SLC26A11: variants seen among roughly 807,000 people sequenced by gnomAD.
SLC26A11 encodes the protein sodium-independent sulfate anion transporter.
Under a neutral mutation model 62.2 loss-of-function variants are expected in SLC26A11, and 58 were observed. The observed-to-expected ratio is 0.93, with a 90% CI of 0.76 to 1.16. The LOEUF (loss-of-function observed/expected upper bound fraction) is 1.16. Ranked by LOEUF, SLC26A11 falls within the 50% of genes most tolerant of loss-of-function variation. The pLI is 0.00. For missense variants in SLC26A11, 790 were observed against 794.3 expected, an observed-to-expected ratio of 0.99 and a Z score of 0.06; for synonymous variants, 411 against 368.9, an observed-to-expected ratio of 1.11 and a Z score of -1.31.
Position 80,236,923 on chromosome 17 carries a change from C to G in SLC26A11, c.737-5C>G. 6.2e-7 allele frequency: 1 copy of G among 1,608,200 alleles called. No homozygotes were observed. The highest frequency in any genetic ancestry group is 1.3e-5 in the African/African-American group (1 of 74,952). ...GTCTCGGACGCACCTCTCCTTCTCTCCTAGCTCGCAACGCCCTGGTGGTCT... is the reference window on the plus strand; with the variant it reads ...GTCTCGGACGCACCTCTCCTTCTCTGCTAGCTCGCAACGCCCTGGTGGTCT... On this transcript the variant is annotated splice_polypyrimidine_tract_variant and splice_region_variant and intron_variant, in intron 7 of 17. Coordinates refer to ENST00000361193, the MANE Select transcript of SLC26A11 (RefSeq NM_001166347.2).
chr17:80,227,707 G>A (rs1432585803), intron 6 of SLC26A11, 111 bp from the exon 7 acceptor site: 2 of 1,467,894 alleles, frequency 1.4e-6, no homozygotes, highest in African/African-American at 2.8e-5. Flanking sequence ...TGGGCATTGG[G>A]CCTCCCTGGG....
At chr17:80,230,640 C>T (rs2042538851) in intron 7 of SLC26A11, among the ~76,000 whole-genome samples, 1 of 152,090 alleles carries the variant, frequency 6.6e-6, no homozygotes, top group African/African-American at 2.4e-5. Context: ...ACACTTGGGG[C>T]TGCTTTTTTC....
chr17:80,252,495 G>A lies in SLC26A11; in HGVS notation c.1730-130G>A. The A allele has an allele frequency of 2.9e-6, 2 of 697,958 alleles. No homozygotes were observed. The highest frequency in any genetic ancestry group is 4.7e-6 in the Non-Finnish European group (2 of 424,834). 43.2% of individuals were successfully genotyped at this position (697,958 alleles called of 1,614,324 possible). On this transcript the variant is annotated intron_variant, in intron 17 of 17. Transcript: ENST00000361193. This position sits in a 1 kb window ranked among gnomAD's most constrained non-coding sequence, Gnocchi z 5.2. Reference sequence around the variant, plus strand: ...CTCATGGAGTTAGTGACACTGGCCTGGGTGGCCCACAGCTCCTTCCTGCAC... The same window carrying A: ...CTCATGGAGTTAGTGACACTGGCCTAGGTGGCCCACAGCTCCTTCCTGCAC...
At position 80,246,105 on chromosome 17, in the gene SLC26A11, T is replaced by C; in HGVS notation, c.1098-49T>C. 6.2e-7 allele frequency: 1 copy of C among 1,607,446 alleles called. No homozygotes were observed. The highest frequency in any genetic ancestry group is 1.1e-5 in the South Asian group (1 of 90,948). ...AGCCACAGGAGTGTGGACTGAGGTC[T>C]CCCTTTTCCCGGCCCCTGGTGACTG... On this transcript the variant is annotated intron_variant, in intron 11 of 17. Transcript: ENST00000361193. The surrounding 1 kb of genome is among the most constrained non-coding windows in gnomAD (Gnocchi z 4.4).
In SLC26A11 at chr17:80,246,573, C is replaced by A. The variant is rs1355794205; in HGVS notation, c.1218C>A (p.Ala406=). The A allele has an allele frequency of 6.2e-7, 1 of 1,613,968 alleles. No homozygotes were observed. Among genetic ancestry groups the A allele is most frequent in the Non-Finnish European group, 8.5e-7 (1 of 1,180,032 alleles). Residue 406 remains alanine (A), a synonymous_variant, in exon 13 of 18, where the codon GCC becomes GCA. Transcript: ENST00000361193. The surrounding 1 kb of genome is among the most constrained non-coding windows in gnomAD (Gnocchi z 4.4). ...TGTTCTACTACATCCCCAAGTCTGC[C>A]CTGGCTGCCGTCATCATCATGGCCG... is the stretch of plus-strand genomic sequence containing the variant. ...TSLFYYIPKS[A]LAAVIIMAVA...
intron 9 of SLC26A11, 116 bp from the exon 10 acceptor site, chr17:80,241,655 G>A (rs1475521601): frequency 2.8e-6 from 3 of 1,083,506 alleles, no homozygotes; most frequent in Admixed American, 1.7e-5. Flanking sequence ...TGTATTCTTA[G>A]ATTTACAAAA....
chr17:80,251,464 A>G (rs1720257907), intron 17 of SLC26A11, 63 bp downstream of exon 17: 5 of 1,601,518 alleles, frequency 3.1e-6, no homozygotes, highest in Admixed American at 1.7e-5. Context: ...TGCTTATTGT[A>G]AAAAATATGG....
chr17:80,248,334 C>G, intron 14 of SLC26A11, 77 bp downstream of exon 14: 1 of 1,517,044 alleles, frequency 6.6e-7, no homozygotes, highest in Non-Finnish European at 8.8e-7. Flanking sequence ...TTTGAGGGTC[C>G]GGGGTGATTG....
Position 80,241,838 on chromosome 17 carries a change from G to T in SLC26A11, c.1036+17G>T. ...TGGCCATCGGTAAGACCCCAGCCGC[G>T]GGAAGGAAGACACCAGCTGTGGGCC... On this transcript the variant is annotated intron_variant, in intron 10 of 17. Coordinates refer to ENST00000361193, the MANE Select transcript of SLC26A11 (RefSeq NM_001166347.2). The T allele has an allele frequency of 1.2e-6, 2 of 1,614,102 alleles. No homozygotes were observed. Among genetic ancestry groups the T allele is most frequent in the Non-Finnish European group, 1.7e-6 (2 of 1,180,008 alleles).
Position 80,236,926 on chromosome 17 carries a change from A to G in SLC26A11, c.737-2A>G, listed in dbSNP as rs371517695. 6.2e-7 allele frequency: 1 copy of G among 1,608,328 alleles called. No individual in the cohort carries two copies. The highest frequency in any genetic ancestry group is 1.3e-5 in the African/African-American group (1 of 74,830). On this transcript the variant is annotated splice_acceptor_variant, in intron 7 of 17. Coordinates refer to ENST00000361193, the MANE Select transcript of SLC26A11 (RefSeq NM_001166347.2). LOFTEE classifies it high-confidence loss of function. ...TCGGACGCACCTCTCCTTCTCTCCT[A>G]GCTCGCAACGCCCTGGTGGTCTCCT...
rs142478962 is a variant in SLC26A11, at chr17:80,240,095, C to T, written c.986-1676C>T. On this transcript the variant is annotated intron_variant, in intron 9 of 17. Transcript: ENST00000361193. ...AAAGCTTGCCAACCTCAGCTGGGTGCGGTGGCACACGCCTGTAGTCCCAGC... is the reference window on the plus strand; with the variant it reads ...AAAGCTTGCCAACCTCAGCTGGGTGTGGTGGCACACGCCTGTAGTCCCAGC... Among the ~76,000 whole-genome samples, 723 of 152,290 alleles carry T rather than the reference C, an allele frequency of 4.7e-3. 4 individuals are homozygous for T. Among genetic ancestry groups the T allele is most frequent in the Non-Finnish European group, 7.2e-3 (493 of 68,028 alleles).
In SLC26A11 at chr17:80,248,257, G is replaced by T. The variant is rs1482962190; in HGVS notation, c.1422G>T (p.Lys474Asn). 5 of 1,607,558 alleles carry T rather than the reference G, an allele frequency of 3.1e-6. No homozygotes were observed. In the East Asian group the frequency reaches 6.7e-5, roughly 22 times the overall value. Residue 474 changes from lysine to asparagine, a missense_variant and splice_region_variant, in exon 14 of 18, where the codon AAG becomes AAT. Coordinates refer to ENST00000361193, the MANE Select transcript of SLC26A11 (RefSeq NM_001166347.2). Reference protein sequence around the residue: ...LLHSAARPETKVSEGPVLVLQ... With the variant: ...LLHSAARPETNVSEGPVLVLQ... ...ACTCTGCAGCCAGGCCTGAGACCAA[G>T]GTACCCCTCCGTGGCCTCTGAGTGG...
Position 80,253,010 on chromosome 17 carries a change from C to T in SLC26A11, c.*294C>T, listed in dbSNP as rs996617769. On this transcript the variant is annotated 3_prime_UTR_variant, in exon 18 of 18. Coordinates refer to ENST00000361193, the MANE Select transcript of SLC26A11 (RefSeq NM_001166347.2). The stretch of plus-strand genomic sequence containing the variant: ...TAGAATGACAGACTGTGCGAGGAAG[C>T]AGGGGCAGGGGTTTCCAGCCCGGGC... The T allele has an allele frequency of 1.4e-5, 3 of 221,542 alleles. No individual in the cohort carries two copies. Among genetic ancestry groups the T allele is most frequent in the Non-Finnish European group, 2.7e-5 (3 of 110,294 alleles). 13.7% of individuals were successfully genotyped at this position (221,542 alleles called of 1,614,324 possible).
intron 1 of SLC26A11, 32 bp downstream of exon 1, chr17:80,220,528 G>C: frequency 4.5e-6 from 2 of 445,196 alleles, no homozygotes; most frequent in Non-Finnish European, 7.8e-6. Flanking sequence ...GCGGCGAGCG[G>C]GGACCAGGGG....
chr17:80,246,706 T>C lies in SLC26A11; in HGVS notation c.1294+57T>C. 2.6e-6 allele frequency: 4 copies of C among 1,568,482 alleles called. No homozygotes were observed. In the South Asian group the frequency reaches 4.6e-5, roughly 18 times the overall value. On this transcript the variant is annotated intron_variant, in intron 13 of 17. Transcript: ENST00000361193. This position sits in a 1 kb window ranked among gnomAD's most constrained non-coding sequence, Gnocchi z 4.4. The stretch of plus-strand genomic sequence containing the variant: ...TGATGCGGTGTCTGAACGCGGAGGG[T>C]GTCATTTATGCTACCCCATTTTCCT...
chr17:80,223,540 C>T lies in SLC26A11; in HGVS notation c.513+203C>T, dbSNP rs371733210. ...AATGACCCTCCTGGGAGGGATGTCACGTGATGGTTGGATTTCACAGCGGGT... is the reference window on the plus strand; with the variant it reads ...AATGACCCTCCTGGGAGGGATGTCATGTGATGGTTGGATTTCACAGCGGGT... On this transcript the variant is annotated intron_variant, in intron 5 of 17. Coordinates refer to ENST00000361193, the MANE Select transcript of SLC26A11 (RefSeq NM_001166347.2). The surrounding 1 kb of genome is among the most constrained non-coding windows in gnomAD (Gnocchi z 4.6). 2.0e-5 allele frequency among the ~76,000 whole-genome samples: 3 copies of T among 152,178 alleles called. No individual in the cohort carries two copies. The highest frequency in any genetic ancestry group is 6.5e-5 in the Admixed American group (1 of 15,286).
chr17:80,233,811 T>TCAAGGGATCCTCCCA (rs55814139), intron 7 of SLC26A11, among the ~76,000 whole-genome samples: 72,459 of 129,712 alleles, frequency 0.56, 17,577 homozygotes, highest in East Asian at 0.71. Context: ...ACTCCTGGGC[T>TCAAGGGATCCTCCCA]CAAGGGATCC....
In SLC26A11 at chr17:80,223,346, G is replaced by T. The variant is rs762651109; in HGVS notation, c.513+9G>T. On this transcript the variant is annotated intron_variant, in intron 5 of 17. Coordinates refer to ENST00000361193, the MANE Select transcript of SLC26A11 (RefSeq NM_001166347.2). The surrounding 1 kb of genome is among the most constrained non-coding windows in gnomAD (Gnocchi z 4.6). ...GCTTTGGACAGATCAAGGTAGGCAC[G>T]GCGCCCACCCAGGGCACTGCTCTTT... 1 of 1,613,622 alleles carries T rather than the reference G, an allele frequency of 6.2e-7. No homozygotes were observed. The highest frequency in any genetic ancestry group is 8.5e-7 in the Non-Finnish European group (1 of 1,179,814).
In SLC26A11 at chr17:80,223,834, A is replaced by G. The variant is rs143950020; in HGVS notation, c.513+497A>G. ...TTTTATATTTTCTTTTAAAACATTTATAATAAGTACTAAAATCAGTCATCA... is the reference window on the plus strand; with the variant it reads ...TTTTATATTTTCTTTTAAAACATTTGTAATAAGTACTAAAATCAGTCATCA... On this transcript the variant is annotated intron_variant, in intron 5 of 17. Transcript: ENST00000361193. The surrounding 1 kb of genome is among the most constrained non-coding windows in gnomAD (Gnocchi z 4.6). Among the ~76,000 whole-genome samples, 1 of 152,298 alleles carries G rather than the reference A, an allele frequency of 6.6e-6. No individual in the cohort carries two copies. Among genetic ancestry groups the G allele is most frequent in the East Asian group, 1.9e-4 (1 of 5,186 alleles).
Sources: allele counts gnomAD v4.1 joint callset (sites outside exome capture counted in the v4.1 genomes callset), GRCh38; gene constraint gnomAD v4.1.1; non-coding constraint Gnocchi (gnomAD v3.1); transcripts MANE v1.5; gene names NCBI Gene and HGNC (gene_info 2026-07-23, HGNC 2026-07-21).